Variants in ARB2A observed in about 807,000 individuals in gnomAD.
ARB2A encodes ARB2 cotranscriptional regulator A, also known as cotranscriptional regulator ARB2A.
the ARB2A span, among the ~76,000 whole-genome samples, chr5:93,910,063 G>GCT: frequency 1.3e-5 from 2 of 150,926 alleles, no homozygotes; most frequent in Non-Finnish European, 3.0e-5. Context: ...TAATACAGGT[G>GCT]CATCTATTCT....
chr5:93,710,956 A>G, the ARB2A span, among the ~76,000 whole-genome samples: 16 of 152,328 alleles, frequency 1.1e-4, no homozygotes, highest in Non-Finnish European at 1.9e-4. Flanking sequence ...ACCTGCAGAT[A>G]AAAGTCACAC....
At chr5:93,696,681 A>G in the ARB2A span, among the ~76,000 whole-genome samples, 3 of 152,198 alleles carry the variant, frequency 2.0e-5, no homozygotes, top group Admixed American at 1.3e-4. Flanking sequence ...AGTAAGAGAT[A>G]GAAGTGTTTT....
At chr5:93,682,350 G>C in the ARB2A span, among the ~76,000 whole-genome samples, 2 of 151,682 alleles carry the variant, frequency 1.3e-5, no homozygotes, top group South Asian at 2.1e-4. Flanking sequence ...CCTGAAATTT[G>C]GATAAAATTT....
At chr5:93,827,165 C>T in the ARB2A span, among the ~76,000 whole-genome samples, 1 of 152,132 alleles carries the variant, frequency 6.6e-6, no homozygotes, top group South Asian at 2.1e-4. Context: ...CCTGAGGGAT[C>T]ACCACACTGA....
At chr5:93,640,570 G>A in the ARB2A span, among the ~76,000 whole-genome samples, 2 of 149,174 alleles carry the variant, frequency 1.3e-5, no homozygotes, top group African/African-American at 5.0e-5. Context: ...GTGTGTGTGT[G>A]TGTATGTGTG....
chr5:93,741,604 G>A, the ARB2A span: 4 of 1,456,912 alleles, frequency 2.7e-6, no homozygotes, highest in South Asian at 1.5e-5. Context: ...AGGAACTGAT[G>A]GCCCTCGAGG....
chr5:93,806,032 C>T, the ARB2A span: 83 of 797,942 alleles, frequency 1.0e-4, no homozygotes, highest in Middle Eastern at 6.3e-4. Flanking sequence ...CATTCAGATA[C>T]GCAAATTTAA....
At chr5:93,656,618 T>C in the ARB2A span, among the ~76,000 whole-genome samples, 3 of 152,152 alleles carry the variant, frequency 2.0e-5, no homozygotes, top group Non-Finnish European at 4.4e-5. Flanking sequence ...TAAGACACTG[T>C]TCATTATTTT....
the ARB2A span, among the ~76,000 whole-genome samples, chr5:93,793,753 G>C: frequency 6.6e-6 from 1 of 152,128 alleles, no homozygotes; most frequent in Non-Finnish European, 1.5e-5. Flanking sequence ...ATTAAGGTGT[G>C]TCGTTACAAT....
At chr5:93,954,666 T>C in the ARB2A span, among the ~76,000 whole-genome samples, 8 of 151,650 alleles carry the variant, frequency 5.3e-5, no homozygotes, top group Admixed American at 5.2e-4. Flanking sequence ...CTAAGTCTAC[T>C]GCCTCTAAGC....
At chr5:93,754,276 T>A in the ARB2A span, among the ~76,000 whole-genome samples, 1 of 152,198 alleles carries the variant, frequency 6.6e-6, no homozygotes, top group Non-Finnish European at 1.5e-5. Flanking sequence ...TCTGACATCC[T>A]ATATACTTTT....
At chr5:94,015,853 C>T in the ARB2A span, among the ~76,000 whole-genome samples, 2 of 151,946 alleles carry the variant, frequency 1.3e-5, no homozygotes, top group East Asian at 3.9e-4. Context: ...CACTTAATCA[C>T]AATGAAAGAC....
the ARB2A span, among the ~76,000 whole-genome samples, chr5:94,083,081 A>G: frequency 6.6e-6 from 1 of 152,180 alleles, no homozygotes; most frequent in Non-Finnish European, 1.5e-5. Flanking sequence ...ACAAAAGACC[A>G]CCATCGCTTA....
chr5:93,964,473 T>C, the ARB2A span: 3 of 1,576,900 alleles, frequency 1.9e-6, no homozygotes, highest in Middle Eastern at 3.4e-4. Flanking sequence ...TAGATACTTT[T>C]TTCAAATTAC....
chr5:93,791,662 C>A, the ARB2A span, among the ~76,000 whole-genome samples: 1 of 152,126 alleles, frequency 6.6e-6, no homozygotes, highest in Non-Finnish European at 1.5e-5. Context: ...TCAATTCTTG[C>A]AATCTTTGTT....
At chr5:93,715,178 A>G in the ARB2A span, among the ~76,000 whole-genome samples, 2 of 152,218 alleles carry the variant, frequency 1.3e-5, no homozygotes, top group Non-Finnish European at 2.9e-5. Context: ...ATGTATATAT[A>G]ATCAAAAGAG....
the ARB2A span, among the ~76,000 whole-genome samples, chr5:94,101,411 G>T: frequency 6.6e-6 from 1 of 152,058 alleles, no homozygotes; most frequent in African/African-American, 2.4e-5. Flanking sequence ...CTAAAAGCAG[G>T]GCTACCATTT....
the ARB2A span, among the ~76,000 whole-genome samples, chr5:93,980,945 A>G: frequency 6.6e-6 from 1 of 152,280 alleles, no homozygotes; most frequent in Non-Finnish European, 1.5e-5. Flanking sequence ...AGCTTAAGGC[A>G]TACCACCTTC....
the ARB2A span, among the ~76,000 whole-genome samples, chr5:93,757,883 G>A: frequency 6.6e-6 from 1 of 152,002 alleles, no homozygotes; most frequent in Non-Finnish European, 1.5e-5. Context: ...GAATGCAATG[G>A]TACCACACAT....
Sources: gnomAD v4.1 joint callset for allele counts (sites outside exome capture counted in the v4.1 genomes callset) on GRCh38, gnomAD v4.1.1 for gene constraint, MANE v1.5 for transcripts, NCBI Gene and HGNC (gene_info 2026-07-23, HGNC 2026-07-21) for gene names.